The following DPP10 variants were observed in gnomAD, a reference collection of about 807,000 sequenced individuals.
DPP10 encodes the protein dipeptidyl peptidase like 10.
DPP10 carries 33 observed loss-of-function variants against 120.9 expected under a neutral mutation model. The observed-to-expected ratio is 0.27, with a 90% CI of 0.21 to 0.37. The LOEUF (loss-of-function observed/expected upper bound fraction) is 0.37, where lower values mean the gene tolerates loss of function less well. Among genes scored for constraint, DPP10 ranks in the 10% least tolerant of loss-of-function variants. The probability of loss-of-function intolerance (pLI) is 1.00; values close to 1 mark genes in which losing one functional copy is unlikely to be tolerated. For missense variants in DPP10, 816 were observed against 942.8 expected (o/e 0.87, Z 1.76); for synonymous variants, 337 against 326.1 (o/e 1.03, Z -0.36).
intron 1 of DPP10, among the ~76,000 whole-genome samples, chr2:114,444,813 A>T (rs369425132): frequency 3.9e-5 from 6 of 152,180 alleles, no homozygotes; most frequent in African/African-American, 1.4e-4. Context: ...CATTCCCAAT[A>T]TTGCTCTGGG....
intron 3 of DPP10, among the ~76,000 whole-genome samples, chr2:115,384,871 T>G (rs2066797613): frequency 6.6e-6 from 1 of 152,328 alleles, no homozygotes; most frequent in South Asian, 2.1e-4. Context: ...CTCCCGTAAT[T>G]CCCACATATT....
chr2:115,803,898 A>G (rs974103781), intron 19 of DPP10, among the ~76,000 whole-genome samples: 3 of 152,010 alleles, frequency 2.0e-5, no homozygotes, highest in African/African-American at 7.3e-5. Context: ...TGAATCTGAC[A>G]ATTATGTGTC....
intron 12 of DPP10, among the ~76,000 whole-genome samples, chr2:115,764,325 C>G (rs1489656385): frequency 6.6e-6 from 1 of 152,070 alleles, no homozygotes; most frequent in African/African-American, 2.4e-5. Context: ...TGGATAGACA[C>G]AGATAAATGT....
intron 1 of DPP10, among the ~76,000 whole-genome samples, chr2:114,537,613 A>G (rs893197853): frequency 6.6e-6 from 1 of 152,206 alleles, no homozygotes; most frequent in Non-Finnish European, 1.5e-5. Context: ...TTGTTCTCAA[A>G]GGCATCTATG....
chr2:114,893,627 G>T (rs1003926357), intron 1 of DPP10, among the ~76,000 whole-genome samples: 4 of 152,130 alleles, frequency 2.6e-5, no homozygotes, highest in Non-Finnish European at 5.9e-5. Flanking sequence ...GCTGATTGGG[G>T]CCAAATATGG....
intron 3 of DPP10, among the ~76,000 whole-genome samples, chr2:115,359,150 A>G (rs1427847421): frequency 2.0e-5 from 3 of 152,180 alleles, no homozygotes; most frequent in East Asian, 1.9e-4. Flanking sequence ...TAATAGTGAT[A>G]TGTGAGAATT....
chr2:115,161,965 C>G, intron 1 of DPP10: 1 of 1,430,678 alleles, frequency 7.0e-7, no homozygotes, highest in Middle Eastern at 2.5e-4. Flanking sequence ...CGATGACGGC[C>G]GCGAAGCAGG....
chr2:115,253,879 G>C (rs910386454), intron 1 of DPP10, among the ~76,000 whole-genome samples: 1 of 152,204 alleles, frequency 6.6e-6, no homozygotes, highest in Non-Finnish European at 1.5e-5. Flanking sequence ...ATGCCACAGT[G>C]GGAACTCCTT....
At chr2:114,861,372 T>C (rs1400258993) in intron 1 of DPP10, among the ~76,000 whole-genome samples, 1 of 152,216 alleles carries the variant, frequency 6.6e-6, no homozygotes, top group Non-Finnish European at 1.5e-5. Flanking sequence ...GTCTACACCA[T>C]GAAGACTATG....
intron 4 of DPP10, among the ~76,000 whole-genome samples, chr2:115,508,412 G>A (rs1489793546): frequency 6.6e-6 from 1 of 152,154 alleles, no homozygotes; most frequent in Non-Finnish European, 1.5e-5. Context: ...ATCTCATTAT[G>A]TATTAAGGGA....
intron 1 of DPP10, among the ~76,000 whole-genome samples, chr2:114,464,847 A>G (rs192163711): frequency 6.6e-6 from 1 of 152,344 alleles, no homozygotes; most frequent in East Asian, 1.9e-4. Flanking sequence ...CCTGGATGAC[A>G]GAGTGAGACT....
At chr2:115,244,789 A>ATGTG (rs199538711) in intron 1 of DPP10, among the ~76,000 whole-genome samples, 2 of 150,504 alleles carry the variant, frequency 1.3e-5, no homozygotes, top group Non-Finnish European at 3.0e-5. Context: ...CTATATATAT[A>ATGTG]TGTGTGTGTG....
At chr2:114,711,959 A>G (rs894825167) in intron 1 of DPP10, among the ~76,000 whole-genome samples, 1 of 152,002 alleles carries the variant, frequency 6.6e-6, no homozygotes, top group Non-Finnish European at 1.5e-5. Flanking sequence ...TAGAAAGTCA[A>G]ATTATAATAA....
chr2:114,752,924 T>A (rs1679372510), intron 1 of DPP10, among the ~76,000 whole-genome samples: 1 of 152,102 alleles, frequency 6.6e-6, no homozygotes, highest in South Asian at 2.1e-4. Flanking sequence ...AACCCCAGAG[T>A]TAGACATACA....
chr2:115,089,126 C>CT (rs1230261677), intron 1 of DPP10, among the ~76,000 whole-genome samples: 1 of 151,964 alleles, frequency 6.6e-6, no homozygotes, highest in Non-Finnish European at 1.5e-5. Context: ...TCCTCTTTTC[C>CT]TTTTTTTTCC....
At chr2:114,780,178 T>C (rs1198443221) in intron 1 of DPP10, among the ~76,000 whole-genome samples, 2 of 152,116 alleles carry the variant, frequency 1.3e-5, no homozygotes, top group Middle Eastern at 6.8e-3. Context: ...AGAGGGATGA[T>C]TGATTTTCCC....
intron 1 of DPP10, among the ~76,000 whole-genome samples, chr2:115,076,718 A>G (rs984316919): frequency 6.6e-6 from 1 of 152,194 alleles, no homozygotes; most frequent in East Asian, 1.9e-4. Flanking sequence ...TCCATTTACA[A>G]ATGTAGCATA....
At chr2:115,774,378 A>C (rs1327566272) in intron 13 of DPP10, among the ~76,000 whole-genome samples, 1 of 152,092 alleles carries the variant, frequency 6.6e-6, no homozygotes, top group Non-Finnish European at 1.5e-5. Flanking sequence ...TGAAATTGGC[A>C]TCAAAGATGC....
At chr2:114,960,614 T>C (rs1698541270) in intron 1 of DPP10, among the ~76,000 whole-genome samples, 1 of 152,082 alleles carries the variant, frequency 6.6e-6, no homozygotes, top group Non-Finnish European at 1.5e-5. Flanking sequence ...TTATCTAACC[T>C]CAAGACCACT....
Sources: allele counts gnomAD v4.1 joint callset (sites outside exome capture counted in the v4.1 genomes callset), GRCh38; gene constraint gnomAD v4.1.1; transcripts MANE v1.5; gene names NCBI Gene and HGNC (gene_info 2026-07-23, HGNC 2026-07-21).